Variants in RBFOX3 observed in about 807,000 individuals in gnomAD.
RBFOX3 encodes the protein RNA binding fox-1 homolog 3, also known as RNA binding protein fox-1 homolog 3.
A neutral mutation model predicts 48.7 loss-of-function variants in RBFOX3; 17 were observed. That is an observed-to-expected ratio of 0.35 (90% CI 0.24 to 0.52). The LOEUF is 0.52. RBFOX3 is among the 20% of genes least tolerant of loss of function. The pLI is 0.94. For synonymous variants in RBFOX3, 212 were observed against 209.5 expected, an observed-to-expected ratio of 1.01 and a Z score of -0.10; for missense variants, 382 against 497.5, an observed-to-expected ratio of 0.77 and a Z score of 2.21.
At chr17:79,400,191 G>A (rs2062610218) in intron 2 of RBFOX3, among the ~76,000 whole-genome samples, 1 of 152,158 alleles carries the variant, frequency 6.6e-6, no homozygotes, top group South Asian at 2.1e-4. Flanking sequence ...GGGTGGCTCA[G>A]AGCAACATGA....
At chr17:79,550,696 G>C (rs1223884019) in intron 1 of RBFOX3, among the ~76,000 whole-genome samples, 1 of 152,080 alleles carries the variant, frequency 6.6e-6, no homozygotes, top group African/African-American at 2.4e-5. Context: ...TGGATGGGTA[G>C]ATGGATGAGT....
intron 1 of RBFOX3, among the ~76,000 whole-genome samples, chr17:79,605,333 G>C (rs1217380413): frequency 6.6e-6 from 1 of 152,182 alleles, no homozygotes; most frequent in Non-Finnish European, 1.5e-5. Flanking sequence ...GGGCTGGCTG[G>C]TGGCAGCTTT....
intron 6 of RBFOX3, 51 bp from the exon 7 acceptor site, chr17:79,104,177 TA>T: frequency 6.8e-7 from 1 of 1,461,194 alleles, no homozygotes; most frequent in Non-Finnish European, 9.4e-7. Flanking sequence ...AAGTGCGGGT[TA>T]AGACTGCTGG....
intron 2 of RBFOX3, among the ~76,000 whole-genome samples, chr17:79,478,044 A>AT (rs1416637255): frequency 1.3e-5 from 2 of 152,160 alleles, no homozygotes; most frequent in Admixed American, 1.3e-4. Context: ...AAATGAAGCC[A>AT]TGATCCCCCT....
chr17:79,216,748 T>C (rs1399803807), intron 4 of RBFOX3, among the ~76,000 whole-genome samples: 2 of 151,926 alleles, frequency 1.3e-5, no homozygotes, highest in East Asian at 3.9e-4. Flanking sequence ...CAAACAGTAA[T>C]TTTCACCCAA....
chr17:79,197,827 G>T (rs546564135), intron 4 of RBFOX3, among the ~76,000 whole-genome samples: 6 of 152,056 alleles, frequency 3.9e-5, no homozygotes, highest in Non-Finnish European at 8.8e-5. Context: ...GAGGGACGGA[G>T]AAAACACCAA....
intron 4 of RBFOX3, among the ~76,000 whole-genome samples, chr17:79,122,808 C>A (rs1300413663): frequency 6.6e-6 from 1 of 151,994 alleles, no homozygotes; most frequent in Non-Finnish European, 1.5e-5. Context: ...ACCTAAGTGT[C>A]CATCAACAGA....
chr17:79,417,232 G>C (rs750153729), intron 2 of RBFOX3, among the ~76,000 whole-genome samples: 157 of 152,324 alleles, frequency 1.0e-3, no homozygotes, highest in Non-Finnish European at 1.5e-3. Context: ...CTTGCTCCCC[G>C]TAAGAGTCTC....
At chr17:79,172,951 G>A (rs578004762) in intron 4 of RBFOX3, among the ~76,000 whole-genome samples, 9 of 152,318 alleles carry the variant, frequency 5.9e-5, no homozygotes, top group South Asian at 2.1e-4. Flanking sequence ...GCTCATGCCC[G>A]TAATTCCAGC....
In RBFOX3 at chr17:79,390,253, C is replaced by T. The variant is rs543543782; in HGVS notation, c.-174-82429G>A. On this transcript the variant is annotated intron_variant, in intron 2 of 14. Transcript: ENST00000693108. The surrounding 1 kb of genome is among the most constrained non-coding windows in gnomAD (Gnocchi z 4.2). ...GTCCTCCTAGAATAACACATCCCTC[C>T]GCCCCATCATCCTGCAATCCTTTAG... 2.0e-5 allele frequency among the ~76,000 whole-genome samples: 3 copies of T among 152,332 alleles called. No homozygotes were observed. The East Asian group carries it at 5.8e-4, about 29-fold the overall frequency.
chr17:79,577,199 C>A (rs1195245035), intron 1 of RBFOX3, among the ~76,000 whole-genome samples: 2 of 152,126 alleles, frequency 1.3e-5, no homozygotes, highest in African/African-American at 4.8e-5. Flanking sequence ...TTCCAATGAC[C>A]AAGATCTAAA....
chr17:79,448,888 C>T (rs543129623), intron 2 of RBFOX3, among the ~76,000 whole-genome samples: 59 of 152,132 alleles, frequency 3.9e-4, no homozygotes, highest in African/African-American at 1.3e-3. Context: ...ATGCAGGTTC[C>T]CTGACACAGA....
chr17:79,654,540 C>G, the RBFOX3 span, among the ~76,000 whole-genome samples: 2 of 152,206 alleles, frequency 1.3e-5, no homozygotes, highest in Non-Finnish European at 2.9e-5. Context: ...TACGGCCCAG[C>G]TGGAGAATTC....
rs1321818816 is a variant in RBFOX3, at chr17:79,480,462, C to T, written c.-175+1992G>A. 1.3e-5 allele frequency among the ~76,000 whole-genome samples: 2 copies of T among 152,140 alleles called. No homozygotes were observed. The highest frequency in any genetic ancestry group is 4.8e-5 in the African/African-American group (2 of 41,424). On this transcript the variant is annotated intron_variant, in intron 2 of 14. Transcript: ENST00000693108. The surrounding 1 kb of genome is among the most constrained non-coding windows in gnomAD (Gnocchi z 4.8). ...TTGTATGTCTCAGGCCATTCAATCC[C>T]TCACTCAGAGCCCTGCAGTGGCTCC...
At chr17:79,308,898 C>T (rs1272981565) in intron 2 of RBFOX3, among the ~76,000 whole-genome samples, 1 of 152,062 alleles carries the variant, frequency 6.6e-6, no homozygotes, top group Non-Finnish European at 1.5e-5. Flanking sequence ...GCGGGGGGAT[C>T]ACTTGAGGCC....
Position 79,138,952 on chromosome 17 carries a change from C to CACACAGCACATGCGTTCACA in RBFOX3, c.-33-23205_-33-23204insTGTGAACGCATGTGCTGTGT, listed in dbSNP as rs1568207913. Among the ~76,000 whole-genome samples, 260 of 41,460 alleles carry CACACAGCACATGCGTTCACA rather than the reference C, an allele frequency of 6.3e-3. 1 individual carries two copies. Among genetic ancestry groups the CACACAGCACATGCGTTCACA allele is most frequent in the African/African-American group, 0.032 (253 of 7,946 alleles). The allele number at this position is 41,460 out of a possible 152,430, so 27.2% of individuals were successfully genotyped here. A position where few individuals can be genotyped will look rare whatever the true frequency, so the allele number is the denominator to read the frequency against. On this transcript the variant is annotated intron_variant, in intron 4 of 14. Transcript: ENST00000693108. ...GCACATGCATTCACACCCCCCTCAGCCCCACACATGCACACAGCACATGCG... is the reference window on the plus strand; with the variant it reads ...GCACATGCATTCACACCCCCCTCAGCACACAGCACATGCGTTCACACCCACACATGCACACAGCACATGCG...
rs2073581384 is a variant in RBFOX3, at chr17:79,089,864, C to G, written c.*1019G>C. The stretch of plus-strand genomic sequence containing the variant: ...AGGGAAGGGGCCGGCCCAGGCTTCC[C>G]CATCCCTTGCCCTTCCCATGGGCCC... On this transcript the variant is annotated 3_prime_UTR_variant, in exon 15 of 15. Transcript: ENST00000693108. The G allele has an allele frequency of 6.6e-6, 1 of 152,486 alleles. No individual in the cohort carries two copies. Among genetic ancestry groups the G allele is most frequent in the African/African-American group, 2.4e-5 (1 of 41,460 alleles). The allele number at this position is 152,486 out of a possible 1,614,324, so 9.4% of individuals were successfully genotyped here.
rs1442912354 is a variant in RBFOX3, at chr17:79,220,797, G to A, written c.-34+14969C>T. Among the ~76,000 whole-genome samples, 1 of 152,154 alleles carries A rather than the reference G, an allele frequency of 6.6e-6. No individual in the cohort carries two copies. Among genetic ancestry groups the A allele is most frequent in the African/African-American group, 2.4e-5 (1 of 41,444 alleles). ...GAGACCCCAGCCCCAAGTTGGAGCAGCAGGGAGGGAGGAGAAGCAGCTCCT... is the reference window on the plus strand; with the variant it reads ...GAGACCCCAGCCCCAAGTTGGAGCAACAGGGAGGGAGGAGAAGCAGCTCCT... On this transcript the variant is annotated intron_variant, in intron 4 of 14. Coordinates refer to ENST00000693108, the MANE Select transcript of RBFOX3 (RefSeq NM_001350451.2). The surrounding 1 kb of genome is among the most constrained non-coding windows in gnomAD (Gnocchi z 5.9).
chr17:79,467,740 C>T (rs1475832694), intron 2 of RBFOX3, among the ~76,000 whole-genome samples: 1 of 152,302 alleles, frequency 6.6e-6, no homozygotes, highest in East Asian at 1.9e-4. Context: ...CAGGAGTGGG[C>T]ACCTCTCCTC....
Sources: gnomAD v4.1 joint callset for allele counts (sites outside exome capture counted in the v4.1 genomes callset) on GRCh38, gnomAD v4.1.1 for gene constraint, Gnocchi (gnomAD v3.1) non-coding constraint, MANE v1.5 for transcripts, NCBI Gene and HGNC (gene_info 2026-07-23, HGNC 2026-07-21) for gene names.